Variants in FANCL observed in about 807,000 individuals in gnomAD.
FANCL encodes E3 ubiquitin-protein ligase FANCL.
Under a neutral mutation model 59.4 loss-of-function variants are expected in FANCL, and 69 were observed. That is an observed-to-expected ratio of 1.16 (90% CI 0.96 to 1.42). The LOEUF is 1.42. FANCL is among the 40% of genes most tolerant of loss of function. The probability of loss-of-function intolerance (pLI) is 0.00; values close to 1 mark genes in which losing one functional copy is unlikely to be tolerated. For synonymous variants in FANCL, 180 were observed against 147.1 expected, an observed-to-expected ratio of 1.22 and a Z score of -1.62; for missense variants, 519 against 447.2, an observed-to-expected ratio of 1.16 and a Z score of -1.45.
chr2:58,226,351 T>G (rs1692996792), intron 4 of FANCL, among the ~76,000 whole-genome samples: 1 of 152,194 alleles, frequency 6.6e-6, no homozygotes, highest in African/African-American at 2.4e-5. Flanking sequence ...TAATAAGTTT[T>G]TCAGATATCT....
At chr2:58,191,162 T>G (rs1474981689) in intron 7 of FANCL, among the ~76,000 whole-genome samples, 1 of 151,792 alleles carries the variant, frequency 6.6e-6, no homozygotes, top group Non-Finnish European at 1.5e-5. Context: ...ATAGACATAG[T>G]GTATCAATTT....
intron 5 of FANCL, among the ~76,000 whole-genome samples, chr2:58,217,862 T>C (rs1408848994): frequency 2.0e-5 from 3 of 151,314 alleles, no homozygotes; most frequent in African/African-American, 4.9e-5. Flanking sequence ...GAGGAATGAA[T>C]AAAAGCAAAG....
chr2:58,226,645 AAT>A (rs1393096914), intron 4 of FANCL, 81 bp downstream of exon 4: 2 of 969,270 alleles, frequency 2.1e-6, no homozygotes, highest in East Asian at 4.8e-5. Context: ...AAATTCTAAT[AAT>A]GTCAGTTTTT....
chr2:58,217,215 TACACACACACACACAC>T (rs368257506), intron 5 of FANCL, among the ~76,000 whole-genome samples: 11 of 20,870 alleles, frequency 5.3e-4, no homozygotes, highest in African/African-American at 2.1e-3. Flanking sequence ...TATATATATA[TACACACACACACACAC>T]ACACACACAC....
rs747354131 is a variant in FANCL at position 58,241,267 on chromosome 2, A to C, written c.47T>G (p.Leu16Arg). The C allele has an allele frequency of 6.8e-6, 11 of 1,614,148 alleles. No individual in the cohort carries two copies. Among genetic ancestry groups the C allele is most frequent in the Non-Finnish European group, 9.3e-6 (11 of 1,180,056 alleles). ...ASLLRQCPLL[L>R]PQNRSKTVYE... ...CACGGTTTTCGACCGGTTCTGGGGC[A>C]GAAGCAGGGGGCACTGGCGCAACAG... The change falls in exon 1 of 14, where the codon CTG (leucine) becomes CGG (arginine). Residue 16 changes from leucine (L) to arginine (R), a missense_variant. By Grantham distance (102) the Leu-to-Arg change is moderately radical (BLOSUM62 -2). Transcript: ENST00000233741.
In FANCL at chr2:58,222,010, A is replaced by C; in HGVS notation, c.306T>G (p.Tyr102Ter). The C allele has an allele frequency of 6.2e-7, 1 of 1,613,548 alleles. No homozygotes were observed. Among genetic ancestry groups the C allele is most frequent in the Non-Finnish European group, 8.5e-7 (1 of 1,179,578 alleles). ...AGAACTGGGGAGGAGGAGGTAGTGC[A>C]TACAGCTCTTGTCTATTCTTTAAGG... is the stretch of plus-strand genomic sequence containing the variant. ...EVALKNRQEL[Y>*]ALPPPPQFYS... The change falls in exon 5 of 14, where the codon TAT becomes TAG. Residue 102 changes from tyrosine to a stop codon, truncating the protein, a stop_gained. Coordinates refer to ENST00000233741, the MANE Select transcript of FANCL (RefSeq NM_018062.4). LOFTEE classifies it high-confidence loss of function.
chr2:58,186,334 A>G (rs1182498053), intron 7 of FANCL, among the ~76,000 whole-genome samples: 1 of 152,204 alleles, frequency 6.6e-6, no homozygotes, highest in Non-Finnish European at 1.5e-5. Flanking sequence ...CCCTTGTCCT[A>G]CATATCTTCA....
At chr2:58,231,459 C>T (rs1693571330) in intron 2 of FANCL, among the ~76,000 whole-genome samples, 1 of 152,152 alleles carries the variant, frequency 6.6e-6, no homozygotes, top group Admixed American at 6.5e-5. Flanking sequence ...GAAAAGCATC[C>T]TCTATTCCTT....
rs570217357 is a variant in FANCL, at chr2:58,162,961, G to GA, written c.822-15dup. The GA allele has an allele frequency of 8.9e-4, 1,436 of 1,612,186 alleles. 2 individuals are homozygous for GA. The highest frequency in any genetic ancestry group is 8.6e-3 in the Middle Eastern group (52 of 6,052). ...TTTTCTGGATCCCTGAAAGCATGGG[G>GA]AAAAAAATTATGCTGTGAACTTTGT... On this transcript the variant is annotated splice_polypyrimidine_tract_variant and intron_variant, in intron 10 of 13. Coordinates refer to ENST00000233741, the MANE Select transcript of FANCL (RefSeq NM_018062.4).
rs746986811 is a variant in FANCL at position 58,198,620 on chromosome 2, G to T, written c.514C>A (p.Pro172Thr). Residue 172 changes from proline (P) to threonine (T), a missense_variant, in exon 7 of 14, where the codon CCA (proline) becomes ACA (threonine). Pro to Thr is a conservative substitution (Grantham distance 38). Transcript: ENST00000233741. ...TGAGGTGTCCAGGAGGCACAAAATG[G>T]AACAGGAAAATCCACAAAATAATCT... ...SPDYFVDFPV[P>T]FCASWTPQSS... 6.2e-7 allele frequency: 1 copy of T among 1,613,748 alleles called. No individual in the cohort carries two copies. Among genetic ancestry groups the T allele is most frequent in the Non-Finnish European group, 8.5e-7 (1 of 1,179,876 alleles).
At chr2:58,215,998 T>C (rs930141395) in intron 5 of FANCL, among the ~76,000 whole-genome samples, 1 of 152,114 alleles carries the variant, frequency 6.6e-6, no homozygotes, top group African/African-American at 2.4e-5. Flanking sequence ...CCAGGATCTC[T>C]GTGGGAACTC....
chr2:58,160,058 T>TTAC (rs1365381703), intron 13 of FANCL, 50 bp downstream of exon 13: 1 of 1,607,792 alleles, frequency 6.2e-7, no homozygotes, highest in Non-Finnish European at 8.5e-7. Flanking sequence ...CTAGAACATA[T>TTAC]TACTGAAAGC....
At chr2:58,178,495 A>C (rs1474921416) in intron 7 of FANCL, among the ~76,000 whole-genome samples, 2 of 152,142 alleles carry the variant, frequency 1.3e-5, no homozygotes, top group Admixed American at 6.6e-5. Context: ...TGATTATCTC[A>C]ATAGATGCAG....
At chr2:58,215,414 G>A (rs1321873226) in intron 5 of FANCL, among the ~76,000 whole-genome samples, 2 of 152,192 alleles carry the variant, frequency 1.3e-5, no homozygotes, top group Non-Finnish European at 2.9e-5. Flanking sequence ...ACAATTATAT[G>A]TAACATCTAT....
intron 11 of FANCL, among the ~76,000 whole-genome samples, chr2:58,162,340 A>G (rs1264983080): frequency 6.6e-6 from 1 of 151,986 alleles, no homozygotes; most frequent in Non-Finnish European, 1.5e-5. Context: ...CAGACTATGT[A>G]GAAAAGCCAA....
At chr2:58,185,674 T>A (rs1210406173) in intron 7 of FANCL, among the ~76,000 whole-genome samples, 2 of 152,172 alleles carry the variant, frequency 1.3e-5, no homozygotes, top group Non-Finnish European at 1.5e-5. Flanking sequence ...TGGTTATTCT[T>A]GCTCATGTTT....
rs1684683424 is a variant in FANCL at position 58,159,363 on chromosome 2, A to AAGAC, written c.*398_*401dup. On this transcript the variant is annotated 3_prime_UTR_variant, in exon 14 of 14. Coordinates refer to ENST00000233741, the MANE Select transcript of FANCL (RefSeq NM_018062.4). ...TTTTTCCATAGGAAAGCACAAGGAG[A>AAGAC]AGACAGAAATATCAAGAGTCTCAAG... 1.9e-6 allele frequency: 3 copies of AAGAC among 1,606,000 alleles called. No individual in the cohort carries two copies. Among genetic ancestry groups the AAGAC allele is most frequent in the East Asian group, 2.2e-5 (1 of 44,802 alleles).
At chr2:58,217,177 TA>T (rs1558806382) in intron 5 of FANCL, among the ~76,000 whole-genome samples, 3 of 9,208 alleles carry the variant, frequency 3.3e-4, no homozygotes, top group Admixed American at 3.7e-3. Flanking sequence ...TATATATATA[TA>T]TATATATATA....
intron 4 of FANCL, 92 bp from the exon 5 acceptor site, chr2:58,222,134 T>C: frequency 1.2e-6 from 1 of 854,644 alleles, no homozygotes; most frequent in Non-Finnish European, 1.9e-6. Flanking sequence ...ATTATCTTCT[T>C]AGTGCCTAAT....
Sources: allele counts gnomAD v4.1 joint callset (sites outside exome capture counted in the v4.1 genomes callset), GRCh38; gene constraint gnomAD v4.1.1; transcripts MANE v1.5; gene names NCBI Gene and HGNC (gene_info 2026-07-23, HGNC 2026-07-21).